Variants in KDM3A observed in about 807,000 individuals in gnomAD.
KDM3A encodes lysine demethylase 3A, also known as lysine-specific demethylase 3A.
Under a neutral mutation model 158.0 loss-of-function variants are expected in KDM3A, and 60 were observed. The ratio of observed to expected loss-of-function variants is 0.38; its 90% CI spans 0.31 to 0.47. KDM3A has a LOEUF of 0.47. Ranked by LOEUF, KDM3A falls within the 20% of genes least tolerant of loss-of-function variation. The pLI is 0.99. For missense variants in KDM3A, 1,319 were observed against 1,574.3 expected (o/e 0.84, Z 2.74); for synonymous variants, 608 against 549.3 (o/e 1.11, Z -1.49).
At chr2:86,454,451 T>G (rs1672602313) in intron 4 of KDM3A, among the ~76,000 whole-genome samples, 1 of 152,208 alleles carries the variant, frequency 6.6e-6, no homozygotes, top group African/African-American at 2.4e-5. Flanking sequence ...GAGATATGTG[T>G]ACCTCTGGAG....
chr2:86,458,441 C>A (rs1338747881), intron 8 of KDM3A, among the ~76,000 whole-genome samples: 1 of 152,164 alleles, frequency 6.6e-6, no homozygotes, highest in Non-Finnish European at 1.5e-5. Context: ...TCATTTTTGC[C>A]TTAAAGTTTA....
chr2:86,441,974 CCCACCGGCCG>C, intron 1 of KDM3A, 34 bp from the exon 2 acceptor site: 1 of 1,493,218 alleles, frequency 6.7e-7, no homozygotes, highest in Non-Finnish European at 9.2e-7. Context: ...CCGGCCCCCT[CCCACCGGCCG>C]CCCCCGTCGC....
chr2:86,489,456 A>T lies in KDM3A; in HGVS notation c.3433+19A>T. The T allele has an allele frequency of 6.2e-7, 1 of 1,613,146 alleles. No individual in the cohort carries two copies. The highest frequency in any genetic ancestry group is 8.5e-7 in the Non-Finnish European group (1 of 1,179,610). On this transcript the variant is annotated intron_variant, in intron 22 of 25. Transcript: ENST00000312912. ...GAAGAAGGTAGGGTGCTGAGCATAA[A>T]AGGAGGGCTTACTCTTTGAGCCAGG... is the stretch of plus-strand genomic sequence containing the variant.
intron 17 of KDM3A, among the ~76,000 whole-genome samples, 158 bp from the exon 18 acceptor site, chr2:86,482,300 T>G (rs1673969284): frequency 6.6e-6 from 1 of 152,174 alleles, no homozygotes; most frequent in Non-Finnish European, 1.5e-5. Flanking sequence ...TTACCTCACT[T>G]CTATGAGTTG....
chr2:86,439,782 C>T (rs1490845883), upstream of KDM3A, among the ~76,000 whole-genome samples: 3 of 152,074 alleles, frequency 2.0e-5, no homozygotes, highest in Non-Finnish European at 2.9e-5. Context: ...ACCATACTGT[C>T]TTCATGGACT....
Position 86,489,358 on chromosome 2 carries a change from T to C in KDM3A, c.3354T>C (p.Asn1118=). ...AAGATCGGAAATATGGAACAACAAA[T>C]CTTCACTTAGATGTATCTGATGCAG... ...TPEDRKYGTT[N]LHLDVSDAAN... Residue 1118 remains asparagine (N), a synonymous_variant, in exon 22 of 26, where the codon AAT becomes AAC. Transcript: ENST00000312912. The C allele has an allele frequency of 6.2e-7, 1 of 1,614,026 alleles. No individual in the cohort carries two copies. The highest frequency in any genetic ancestry group is 8.5e-7 in the Non-Finnish European group (1 of 1,179,956).
chr2:86,441,935 C>T (rs1278632296), intron 1 of KDM3A, 83 bp from the exon 2 acceptor site: 14 of 1,145,796 alleles, frequency 1.2e-5, no homozygotes, highest in South Asian at 1.4e-5. Context: ...GGTTCGGCGC[C>T]CTCCGCCCGC....
chr2:86,492,106 T>C lies in KDM3A; in HGVS notation c.3953T>C (p.Phe1318Ser), dbSNP rs1674486217. 2 of 1,612,470 alleles carry C rather than the reference T, an allele frequency of 1.2e-6. No individual in the cohort carries two copies. The highest frequency in any genetic ancestry group is 4.5e-5 in the East Asian group (2 of 44,858). ...ATGCTGAAAGCCAGTGAATCCAGTT[T>C]TGGCAAACCTTAATCTCCCTGCACA... ...VAMLKASESS[F>S]GKP Residue 1318 changes from phenylalanine (F) to serine (S), a missense_variant, in exon 26 of 26, where the codon TTT becomes TCT. Coordinates refer to ENST00000312912, the MANE Select transcript of KDM3A (RefSeq NM_018433.6).
Position 86,442,197 on chromosome 2 carries a change from T to G in KDM3A, c.150T>G (p.Ala50=). The G allele has an allele frequency of 6.2e-7, 1 of 1,612,686 alleles. No homozygotes were observed. The highest frequency in any genetic ancestry group is 8.5e-7 in the Non-Finnish European group (1 of 1,179,278). The part of the protein sequence containing the change: ...EWPWLSGTIR[A]VSHTDVTKKD... Reference sequence around the variant, plus strand: ...CCTGGCTCTCCGGGACCATTCGAGCTGTTTCCCACACCGACGTTACCAAGA... The same window carrying G: ...CCTGGCTCTCCGGGACCATTCGAGCGGTTTCCCACACCGACGTTACCAAGA... Residue 50 remains alanine (A), a synonymous_variant, in exon 2 of 26, where the codon GCT becomes GCG. Coordinates refer to ENST00000312912, the MANE Select transcript of KDM3A (RefSeq NM_018433.6).
At chr2:86,442,622 G>A (rs1460871311) in intron 2 of KDM3A, 2 of 160,616 alleles carry the variant, frequency 1.2e-5, no homozygotes, top group East Asian at 3.6e-4. Context: ...CTTTCAGCTG[G>A]TTTTGTTTGT....
chr2:86,487,064 A>T (rs1674214279), intron 21 of KDM3A: 1 of 152,240 alleles, frequency 6.6e-6, no homozygotes, highest in African/African-American at 2.4e-5. Flanking sequence ...TGATTAAAGC[A>T]GCTGCATGGT....
At chr2:86,454,783 A>C (rs72844691) in intron 4 of KDM3A, among the ~76,000 whole-genome samples, 1,979 of 152,276 alleles carry the variant, frequency 0.013, 18 homozygotes, top group Non-Finnish European at 0.018. Context: ...TTGTTTGCTT[A>C]CTTTTTTCCC....
Position 86,442,090 on chromosome 2 carries a change from A to G in KDM3A, c.43A>G (p.Arg15Gly). The G allele has an allele frequency of 6.2e-7, 1 of 1,613,970 alleles. No homozygotes were observed. ...LGESWPVLVG[R>G]RFLSLSAADG... is the part of the protein sequence containing the mutation. ...AGAAAGTTGGCCGGTATTGGTGGGG[A>G]GGAGGTTTCTCAGTCTGTCCGCAGC... The change falls in exon 2 of 26, where the codon AGG (arginine) becomes GGG (glycine). Residue 15 changes from arginine (R) to glycine (G), a missense_variant. This residue lies in a region of KDM3A where 652 missense variants were observed against 627.2 expected (regional missense o/e 1.04). Coordinates refer to ENST00000312912, the MANE Select transcript of KDM3A (RefSeq NM_018433.6).
At chr2:86,459,116 C>T (rs1672823109) in intron 8 of KDM3A, among the ~76,000 whole-genome samples, 1 of 152,012 alleles carries the variant, frequency 6.6e-6, no homozygotes, top group African/African-American at 2.4e-5. Context: ...CTTAGGAAGC[C>T]CAAGTGACAT....
intron 11 of KDM3A, among the ~76,000 whole-genome samples, chr2:86,471,057 C>T (rs1270138069): frequency 6.6e-6 from 1 of 152,112 alleles, no homozygotes; most frequent in Non-Finnish European, 1.5e-5. Flanking sequence ...GGCTTTGATA[C>T]ACCTGTTCTG....
chr2:86,473,908 C>G (rs1042998293), intron 11 of KDM3A, among the ~76,000 whole-genome samples: 1 of 152,214 alleles, frequency 6.6e-6, no homozygotes, highest in Non-Finnish European at 1.5e-5. Flanking sequence ...TAATGCTTCC[C>G]TCTTTCCAGA....
chr2:86,459,492 C>A (rs1672839148), intron 8 of KDM3A, among the ~76,000 whole-genome samples: 1 of 151,992 alleles, frequency 6.6e-6, no homozygotes, highest in African/African-American at 2.4e-5. Flanking sequence ...GAGAGCTGAG[C>A]TGTGAGACTT....
chr2:86,453,029 G>C (rs1014889197), intron 4 of KDM3A, among the ~76,000 whole-genome samples: 1 of 152,046 alleles, frequency 6.6e-6, no homozygotes, highest in Non-Finnish European at 1.5e-5. Context: ...AGTAATAAAA[G>C]GAATTTTTTA....
Position 86,472,437 on chromosome 2 carries a change from A to ATAGGAGT in KDM3A, c.1724+2030_1724+2036dup, listed in dbSNP as rs1228272579. Among the ~76,000 whole-genome samples, 16 of 152,284 alleles carry ATAGGAGT rather than the reference A, an allele frequency of 1.1e-4. No individual in the cohort carries two copies. In the East Asian group the frequency reaches 2.1e-3, roughly 20 times the overall value. ...CTCATTAAACTCTTCTGCAAATAAAATAGGAGTAGGGGTAGGGTCTCAGTG... is the reference window on the plus strand; with the variant it reads ...CTCATTAAACTCTTCTGCAAATAAAATAGGAGTTAGGAGTAGGGGTAGGGTCTCAGTG... On this transcript the variant is annotated intron_variant, in intron 11 of 25. Coordinates refer to ENST00000312912, the MANE Select transcript of KDM3A (RefSeq NM_018433.6).
Sources: allele counts gnomAD v4.1 joint callset (sites outside exome capture counted in the v4.1 genomes callset), GRCh38; gene constraint gnomAD v4.1.1; regional missense constraint gnomAD v4.1.1; transcripts MANE v1.5; gene names NCBI Gene and HGNC (gene_info 2026-07-23, HGNC 2026-07-21).